The following NEK4 variants were observed in gnomAD, a reference collection of about 807,000 sequenced individuals.
NEK4 encodes NIMA related kinase 4, also known as serine/threonine-protein kinase Nek4.
Under a neutral mutation model 98.4 loss-of-function variants are expected in NEK4, and 86 were observed. The observed-to-expected ratio is 0.87, with a 90% confidence interval of 0.73 to 1.05. The LOEUF is 1.05. Among genes scored for constraint, NEK4 ranks in the 50% least tolerant of loss-of-function variants. The pLI is 0.00. For missense variants in NEK4, 898 were observed against 950.3 expected (o/e 0.94, Z 0.72); for synonymous variants, 328 against 342.2 (o/e 0.96, Z 0.46).
chr3:52,749,211 C>T (rs1295311855), intron 8 of NEK4, among the ~76,000 whole-genome samples: 2 of 152,042 alleles, frequency 1.3e-5, no homozygotes, highest in Admixed American at 6.6e-5. Flanking sequence ...CAGCTCACTA[C>T]AACCTCTGCC....
intron 15 of NEK4, among the ~76,000 whole-genome samples, chr3:52,723,794 T>A (rs1470787176): frequency 6.6e-6 from 1 of 152,104 alleles, no homozygotes; most frequent in Non-Finnish European, 1.5e-5. Context: ...ATAAATGATC[T>A]GAAGAAATAA....
At chr3:52,714,325 C>T (rs1164982765) in intron 15 of NEK4, among the ~76,000 whole-genome samples, 1 of 152,250 alleles carries the variant, frequency 6.6e-6, no homozygotes, top group African/African-American at 2.4e-5. Flanking sequence ...TAAACTCCTG[C>T]ACTACTGATG....
At chr3:52,758,654 C>A (rs1273819725) in intron 6 of NEK4, among the ~76,000 whole-genome samples, 125 of 143,356 alleles carry the variant, frequency 8.7e-4, no homozygotes, top group African/African-American at 2.4e-3. Flanking sequence ...TTTTTAAAAA[C>A]AAAAAAAAAA....
rs199859350 is a variant in NEK4, at chr3:52,746,780, G to C, written c.1631C>G (p.Thr544Ser). ...CTGTCTCTTTTCCCCTCTGTGCTCA[G>C]TCTGTTCTCTCCTCTTTTGCCGTCG... ...RQRRQKRREQTEHRGEKRQVR... is the reference protein window; with the variant it reads ...RQRRQKRREQSEHRGEKRQVR... Residue 544 changes from threonine (T) to serine (S), a missense_variant, in exon 9 of 16, where the codon ACT becomes AGT. Coordinates refer to ENST00000233027, the MANE Select transcript of NEK4 (RefSeq NM_003157.6). 172 of 1,613,992 alleles carry C rather than the reference G, an allele frequency of 1.1e-4. No individual in the cohort carries two copies. The highest frequency in any genetic ancestry group is 2.2e-4 in the Admixed American group (13 of 59,984).
At chr3:52,729,509 G>C (rs929560070) in intron 15 of NEK4, among the ~76,000 whole-genome samples, 11 of 152,206 alleles carry the variant, frequency 7.2e-5, no homozygotes, top group Middle Eastern at 6.8e-3. Context: ...AGGAGTTCAA[G>C]ACCAGACTGG....
intron 15 of NEK4, among the ~76,000 whole-genome samples, chr3:52,725,747 A>T (rs2097363926): frequency 6.6e-6 from 1 of 152,138 alleles, no homozygotes. Flanking sequence ...TATTATGTTA[A>T]AATTTTTCAC....
chr3:52,765,979 G>A lies in NEK4; in HGVS notation c.574C>T (p.Leu192=). 1 of 1,608,062 alleles carries A rather than the reference G, an allele frequency of 6.2e-7. No homozygotes were observed. The highest frequency in any genetic ancestry group is 8.5e-7 in the Non-Finnish European group (1 of 1,174,606). The change falls in exon 4 of 16, where the codon CTA becomes TTA. Residue 192 remains leucine, a synonymous_variant. Coordinates refer to ENST00000233027, the MANE Select transcript of NEK4 (RefSeq NM_003157.6). ...PYNYKSDVWA[L]GCCVYEMATL... ...GCCATTTCATAGACACAGCATCCTAGAGCCCAAACATCAGACTAGAAAATA... is the reference window on the plus strand; with the variant it reads ...GCCATTTCATAGACACAGCATCCTAAAGCCCAAACATCAGACTAGAAAATA...
intron 15 of NEK4, among the ~76,000 whole-genome samples, chr3:52,718,629 A>AC (rs1240229383): frequency 1.4e-4 from 21 of 152,134 alleles, no homozygotes; most frequent in Non-Finnish European, 3.1e-4. Flanking sequence ...TAGATTCACA[A>AC]CCCAATGCCT....
chr3:52,740,493 G>A (rs976538579), intron 13 of NEK4, among the ~76,000 whole-genome samples: 1 of 152,068 alleles, frequency 6.6e-6, no homozygotes, highest in Non-Finnish European at 1.5e-5. Flanking sequence ...TATGAAATGT[G>A]AAACAGAAAA....
intron 15 of NEK4, among the ~76,000 whole-genome samples, chr3:52,731,981 G>A (rs1184689409): frequency 6.6e-6 from 1 of 152,172 alleles, no homozygotes; most frequent in Admixed American, 6.5e-5. Context: ...ACACTCTCTT[G>A]CCTGCTGCCA....
At chr3:52,744,370 A>C in intron 10 of NEK4, 65 bp from the exon 11 acceptor site, 1 of 1,165,744 alleles carries the variant, frequency 8.6e-7, no homozygotes, top group Non-Finnish European at 1.3e-6. Flanking sequence ...CCTACAATCC[A>C]TGATGTATCA....
At chr3:52,754,037 C>T (rs929529150) in intron 6 of NEK4, 5 of 258,410 alleles carry the variant, frequency 1.9e-5, no homozygotes, top group Non-Finnish European at 3.8e-5. Context: ...GTGCCACATG[C>T]CTGTAATCCC....
intron 14 of NEK4, among the ~76,000 whole-genome samples, 155 bp from the exon 15 acceptor site, chr3:52,737,874 C>T (rs1021214086): frequency 6.6e-6 from 1 of 152,084 alleles, no homozygotes; most frequent in Non-Finnish European, 1.5e-5. Flanking sequence ...AGTGCAGTGG[C>T]ACGATCTCAG....
chr3:52,765,631 T>C (rs1175461687), intron 4 of NEK4, among the ~76,000 whole-genome samples: 1 of 152,232 alleles, frequency 6.6e-6, no homozygotes, highest in Non-Finnish European at 1.5e-5. Context: ...ATCCTATGAC[T>C]ATAGGCATAG....
At chr3:52,758,178 C>CAAAAAAAAAAAAAAAAA (rs35117059) in intron 6 of NEK4, among the ~76,000 whole-genome samples, 1 of 62,780 alleles carries the variant, frequency 1.6e-5, no homozygotes, top group Non-Finnish European at 2.8e-5. Flanking sequence ...GACACCATCT[C>CAAAAAAAAAAAAAAAAA]AAAAAAAAAA....
chr3:52,745,600 T>C (rs978527652), intron 10 of NEK4, among the ~76,000 whole-genome samples: 31 of 151,618 alleles, frequency 2.0e-4, no homozygotes, highest in African/African-American at 7.0e-4. Context: ...AAGATTCTGC[T>C]GAGATCACAT....
chr3:52,760,950 A>G lies in NEK4; in HGVS notation c.822-14T>C, dbSNP rs1698334246. 2 of 1,518,748 alleles carry G rather than the reference A, an allele frequency of 1.3e-6. No homozygotes were observed. The highest frequency in any genetic ancestry group is 1.7e-4 in the Middle Eastern group (1 of 5,736). The allele number at this position is 1,518,748 out of a possible 1,614,324, so 94.1% of individuals were successfully genotyped here. A position where few individuals can be genotyped will look rare whatever the true frequency, so the allele number is the denominator to read the frequency against. On this transcript the variant is annotated splice_polypyrimidine_tract_variant and intron_variant, in intron 5 of 15. Transcript: ENST00000233027. ...TTGGAGGTTTTTCTTTATAAAGAAGAAAAGAAAGAGTTATTATCAATATAC... is the reference window on the plus strand; with the variant it reads ...TTGGAGGTTTTTCTTTATAAAGAAGGAAAGAAAGAGTTATTATCAATATAC...
intron 15 of NEK4, among the ~76,000 whole-genome samples, chr3:52,735,647 G>C (rs1262589006): frequency 6.6e-6 from 1 of 152,158 alleles, no homozygotes; most frequent in Non-Finnish European, 1.5e-5. Context: ...CCAAAAATAA[G>C]AGAAAAAGAG....
In NEK4 at chr3:52,752,319, C is replaced by T; in HGVS notation, c.981G>A (p.Leu327=). The T allele has an allele frequency of 6.2e-7, 1 of 1,613,238 alleles. No individual in the cohort carries two copies. The highest frequency in any genetic ancestry group is 8.5e-7 in the Non-Finnish European group (1 of 1,179,386). Residue 327 remains leucine, a synonymous_variant, in exon 7 of 16, where the codon TTG becomes TTA. Coordinates refer to ENST00000233027, the MANE Select transcript of NEK4 (RefSeq NM_003157.6). ...QTYIMGEGKC[L]SQEKPRASGL... is the part of the protein sequence containing the mutation. ...CAGAGGCCCTGGGTTTCTCCTGGGA[C>T]AAACATTTGCCTTCACCCTGAATGA...
Sources: allele counts gnomAD v4.1 joint callset (sites outside exome capture counted in the v4.1 genomes callset), GRCh38; gene constraint gnomAD v4.1.1; transcripts MANE v1.5; gene names NCBI Gene and HGNC (gene_info 2026-07-23, HGNC 2026-07-21).